The following DCC variants were observed in gnomAD, a reference collection of about 807,000 sequenced individuals.
DCC encodes the protein DCC netrin 1 receptor, also known as netrin receptor DCC.
In DCC, 58 loss-of-function variants were observed where a neutral mutation model predicts 172.5. The observed-to-expected ratio is 0.34, with a 90% CI of 0.27 to 0.42. The LOEUF is 0.42. Among genes scored for constraint, DCC ranks in the 10% least tolerant of loss-of-function variants. The pLI, the probability that DCC is intolerant of heterozygous loss-of-function variation, is 1.00. For synonymous variants in DCC, 709 were observed against 644.5 expected (o/e 1.10, Z -1.52); for missense variants, 1,740 against 1,791.0 (o/e 0.97, Z 0.51).
At chr18:52,470,193 C>T (rs1050164784) in intron 1 of DCC, among the ~76,000 whole-genome samples, 8 of 152,164 alleles carry the variant, frequency 5.3e-5, no homozygotes, top group African/African-American at 1.4e-4. Flanking sequence ...TGACAGACTT[C>T]GGCACCTTAG....
At chr18:52,869,620 C>T (rs778357549) in intron 2 of DCC, among the ~76,000 whole-genome samples, 5 of 152,224 alleles carry the variant, frequency 3.3e-5, no homozygotes, top group Non-Finnish European at 5.9e-5. Flanking sequence ...GGCACCCAGA[C>T]TGCTCATGCC....
chr18:52,953,041 C>T (rs1337112904), intron 5 of DCC, among the ~76,000 whole-genome samples: 3 of 142,638 alleles, frequency 2.1e-5, no homozygotes, highest in African/African-American at 7.7e-5. Flanking sequence ...CATAACATTG[C>T]CTTTAATACC....
chr18:52,780,704 C>G (rs1346456472), intron 2 of DCC, among the ~76,000 whole-genome samples: 1 of 152,040 alleles, frequency 6.6e-6, no homozygotes, highest in African/African-American at 2.4e-5. Flanking sequence ...TTCTGGTGTC[C>G]TTGTGTGATA....
chr18:52,871,325 T>C (rs1247890794), intron 2 of DCC, among the ~76,000 whole-genome samples: 7 of 151,596 alleles, frequency 4.6e-5, no homozygotes, highest in Non-Finnish European at 8.8e-5. Context: ...ACAGTGTCTT[T>C]TTTTTTTTTG....
chr18:52,881,947 C>G (rs1434163564), intron 2 of DCC, among the ~76,000 whole-genome samples: 1 of 151,954 alleles, frequency 6.6e-6, no homozygotes, highest in Admixed American at 6.6e-5. Flanking sequence ...AAATATCTTT[C>G]TATTTTTGTA....
At chr18:52,574,671 G>A (rs1251366619) in intron 1 of DCC, among the ~76,000 whole-genome samples, 1 of 152,134 alleles carries the variant, frequency 6.6e-6, no homozygotes, top group African/African-American at 2.4e-5. Context: ...AACTTTTATA[G>A]TTTTAGGCCA....
chr18:53,405,896 G>T (rs1909625529), intron 19 of DCC, among the ~76,000 whole-genome samples: 1 of 152,032 alleles, frequency 6.6e-6, no homozygotes, highest in Non-Finnish European at 1.5e-5. Context: ...TAAAACTCAG[G>T]TTTATACTCT....
chr18:52,982,557 G>T (rs191739984), intron 5 of DCC, among the ~76,000 whole-genome samples: 1 of 151,816 alleles, frequency 6.6e-6, no homozygotes, highest in Non-Finnish European at 1.5e-5. Flanking sequence ...TCTTTGTTCT[G>T]GGAGGTGTAC....
At chr18:53,074,592 A>G (rs1008008982) in intron 7 of DCC, among the ~76,000 whole-genome samples, 1 of 152,200 alleles carries the variant, frequency 6.6e-6, no homozygotes, top group Non-Finnish European at 1.5e-5. Flanking sequence ...TATAAAGTTA[A>G]AAATAAGAGA....
chr18:53,374,416 C>T (rs2058089079), intron 15 of DCC, among the ~76,000 whole-genome samples: 1 of 152,186 alleles, frequency 6.6e-6, no homozygotes, highest in South Asian at 2.1e-4. Flanking sequence ...TAAATACACA[C>T]ATATATGCAT....
intron 2 of DCC, among the ~76,000 whole-genome samples, chr18:52,843,553 CATAATT>C (rs1029935430): frequency 1.3e-5 from 2 of 152,288 alleles, no homozygotes; most frequent in Admixed American, 6.5e-5. Context: ...TATTAAAACT[CATAATT>C]AAATGTGTGC....
chr18:52,575,745 T>C (rs902456675), intron 1 of DCC, among the ~76,000 whole-genome samples: 6 of 152,160 alleles, frequency 3.9e-5, no homozygotes, highest in African/African-American at 1.4e-4. Flanking sequence ...CTCCATAAAA[T>C]AGAAATTTCG....
At chr18:53,269,754 C>T (rs1403164603) in intron 12 of DCC, among the ~76,000 whole-genome samples, 3 of 152,078 alleles carry the variant, frequency 2.0e-5, no homozygotes, top group Non-Finnish European at 4.4e-5. Flanking sequence ...CCAAAGTGCA[C>T]AGCTAGATGA....
intron 22 of DCC, among the ~76,000 whole-genome samples, chr18:53,435,619 A>G (rs972963709): frequency 2.0e-5 from 3 of 152,188 alleles, no homozygotes; most frequent in African/African-American, 7.2e-5. Context: ...AGTTTCATAT[A>G]TTAAAGTTAC....
intron 1 of DCC, among the ~76,000 whole-genome samples, chr18:52,421,278 G>A (rs181530043): frequency 8.0e-4 from 122 of 152,288 alleles, no homozygotes; most frequent in African/African-American, 2.8e-3. Flanking sequence ...CCAGGTGTCT[G>A]ATGCGCAATC....
rs2046550418 is a variant in DCC, at chr18:53,534,166, A to C, written c.*3513A>C. ...ATAGCAGCTGGACTGTAATTACAAC[A>C]AAAGGTTACCTCTAAAGATAACATC... On this transcript the variant is annotated 3_prime_UTR_variant, in exon 29 of 29. Coordinates refer to ENST00000442544, the MANE Select transcript of DCC (RefSeq NM_005215.4). The C allele has an allele frequency of 6.6e-6, 1 of 152,226 alleles. No individual in the cohort carries two copies. Among genetic ancestry groups the C allele is most frequent in the Non-Finnish European group, 1.5e-5 (1 of 68,034 alleles). 9.4% of individuals were successfully genotyped at this position (152,226 alleles called of 1,614,324 possible).
intron 1 of DCC, among the ~76,000 whole-genome samples, chr18:52,676,606 C>G (rs755134059): frequency 2.1e-4 from 32 of 152,062 alleles, no homozygotes; most frequent in Non-Finnish European, 4.0e-4. Context: ...TAATTATTTC[C>G]TTAACTTAGA....
intron 1 of DCC, among the ~76,000 whole-genome samples, chr18:52,444,991 A>C (rs79592939): frequency 0.028 from 4,231 of 152,252 alleles, 163 homozygotes; most frequent in African/African-American, 0.084. Flanking sequence ...TTAGGTACTA[A>C]TTTCTTTTAA....
intron 1 of DCC, among the ~76,000 whole-genome samples, chr18:52,621,329 T>A (rs1159489524): frequency 3.3e-5 from 5 of 152,174 alleles, no homozygotes; most frequent in Non-Finnish European, 7.3e-5. Flanking sequence ...GCACTGGTGA[T>A]GAACTTGAAT....
Sources: allele counts gnomAD v4.1 joint callset (sites outside exome capture counted in the v4.1 genomes callset), GRCh38; gene constraint gnomAD v4.1.1; transcripts MANE v1.5; gene names NCBI Gene and HGNC (gene_info 2026-07-23, HGNC 2026-07-21).